HEXIM2: variants seen among roughly 807,000 people sequenced by gnomAD.
The protein encoded by HEXIM2 is protein HEXIM2.
For synonymous variants in HEXIM2, 159 were observed against 162.7 expected, an observed-to-expected ratio of 0.98 and a Z score of 0.17; for missense variants, 413 against 390.8, an observed-to-expected ratio of 1.06 and a Z score of -0.48.
chr17:45,168,962 A>G, intron 3 of HEXIM2, 53 bp from the exon 4 acceptor site: 1 of 1,506,620 alleles, frequency 6.6e-7, no homozygotes, highest in East Asian at 2.3e-5. Flanking sequence ...GAAAGGTTCC[A>G]CCTCCAAGGA....
At chr17:45,162,415 C>T in intron 1 of HEXIM2, 73 bp from the exon 2 acceptor site, 1 of 1,074,680 alleles carries the variant, frequency 9.3e-7, no homozygotes, top group Non-Finnish European at 1.1e-6. Flanking sequence ...CCTCCTTTGC[C>T]CCTTTGGTGG....
upstream of HEXIM2, chr17:45,160,891 G>A (rs1184078309): frequency 1.6e-6 from 2 of 1,289,642 alleles, no homozygotes; most frequent in South Asian, 1.2e-5. Context: ...AGTTTAAGAG[G>A]GTCGTGGTTT....
Position 45,169,732 on chromosome 17 carries a change from GA to G in HEXIM2, c.788del (p.Asn263ThrfsTer55). On this transcript the variant is annotated frameshift_variant, in exon 4 of 4. Coordinates refer to ENST00000589230, the MANE Select transcript of HEXIM2 (RefSeq NM_001303441.2). LOFTEE classifies it low-confidence loss of function (END_TRUNC). Reference protein sequence around the residue: ...LAAEVQRLRTENQRLRQENQM... With the variant: ...LAAEVQRLRTXNQRLRQENQM... The stretch of plus-strand genomic sequence containing the variant: ...TGCCGAGGTCCAGAGGCTCCGGACC[GA>G]AAACCAGCGGCTTCGTCAGGAGAAC... The G allele has an allele frequency of 6.7e-7, 1 of 1,495,136 alleles. No homozygotes were observed. The allele number at this position is 1,495,136 out of a possible 1,614,324, so 92.6% of individuals were successfully genotyped here. A position where few individuals can be genotyped will look rare whatever the true frequency, so the allele number is the denominator to read the frequency against.
intron 3 of HEXIM2, among the ~76,000 whole-genome samples, chr17:45,167,789 G>C (rs1456943276): frequency 6.6e-6 from 1 of 151,894 alleles, no homozygotes; most frequent in Non-Finnish European, 1.5e-5. Context: ...GTAGAGATGG[G>C]GTTTCACCAC....
upstream of HEXIM2, chr17:45,161,520 G>C (rs549746659): frequency 5.6e-5 from 9 of 161,752 alleles, no homozygotes; most frequent in African/African-American, 1.7e-4. Context: ...TGGCCGCCGA[G>C]CTTCTCGTCG....
intron 3 of HEXIM2, among the ~76,000 whole-genome samples, chr17:45,165,197 T>A (rs1341394970): frequency 1.3e-5 from 2 of 152,170 alleles, no homozygotes; most frequent in African/African-American, 4.8e-5. Flanking sequence ...AAGCCACTGG[T>A]GGAGACAAGG....
chr17:45,168,375 C>T (rs147234751), intron 3 of HEXIM2, among the ~76,000 whole-genome samples: 140 of 151,432 alleles, frequency 9.2e-4, no homozygotes, highest in African/African-American at 3.2e-3. Context: ...CCCAGCTACG[C>T]GGGAGGCTGA....
chr17:45,162,596 C>A lies in HEXIM2; in HGVS notation c.-84C>A. ...TGCTGGCTGGAGGTGTGAAAACCAG[C>A]GGTGGAGGCAGCCTTCGGGGCCTGC... On this transcript the variant is annotated 5_prime_UTR_variant, in exon 2 of 4. Transcript: ENST00000589230. The A allele has an allele frequency of 7.1e-7, 1 of 1,414,444 alleles. No individual in the cohort carries two copies. The allele number at this position is 1,414,444 out of a possible 1,614,324, so 87.6% of individuals were successfully genotyped here.
At chr17:45,164,303 A>C (rs1425163089) in intron 3 of HEXIM2, among the ~76,000 whole-genome samples, 1 of 152,148 alleles carries the variant, frequency 6.6e-6, no homozygotes, top group Non-Finnish European at 1.5e-5. Context: ...TAAAAATACA[A>C]AATTAGCCAG....
At chr17:45,162,117 C>G in intron 1 of HEXIM2, 86 bp downstream of exon 1, 15 of 622,860 alleles carry the variant, frequency 2.4e-5, no homozygotes, top group Non-Finnish European at 3.0e-5. Context: ...GGTTTCCCTC[C>G]CAGCTGCATG....
upstream of HEXIM2, chr17:45,161,872 G>GCT (rs917554970): frequency 5.9e-5 from 58 of 985,648 alleles, no homozygotes; most frequent in African/African-American, 8.7e-4. Context: ...GCGCGTCCAG[G>GCT]CTCTCTCTTC....
chr17:45,162,939 G>A, intron 3 of HEXIM2, 80 bp downstream of exon 3: 3 of 963,078 alleles, frequency 3.1e-6, no homozygotes, highest in Non-Finnish European at 5.0e-6. Context: ...TGTCCCAGAT[G>A]TGTTGGTAGA....
upstream of HEXIM2, among the ~76,000 whole-genome samples, chr17:45,160,414 A>G (rs1293900238): frequency 2.6e-5 from 4 of 152,168 alleles, no homozygotes; most frequent in Admixed American, 6.6e-5. Context: ...AGTCTGTGGG[A>G]AAAGAAAAAT....
upstream of HEXIM2, chr17:45,161,269 C>T: frequency 2.9e-6 from 1 of 339,450 alleles, no homozygotes; most frequent in Non-Finnish European, 5.9e-6. Context: ...AAGAACCCCG[C>T]ACTCTGTGAG....
Position 45,169,266 on chromosome 17 carries a change from G to A in HEXIM2, c.318G>A (p.Leu106=). ...SKRKRHWRPY[L]ELSWAEKQQR... ...GCAAAAGGCACTGGCGACCCTACCT[G>A]GAGCTGAGCTGGGCTGAGAAACAAC... The change falls in exon 4 of 4, where the codon CTG becomes CTA. Residue 106 remains leucine (L), a synonymous_variant. Coordinates refer to ENST00000589230, the MANE Select transcript of HEXIM2 (RefSeq NM_001303441.2). The A allele has an allele frequency of 6.2e-7, 1 of 1,613,878 alleles. No individual in the cohort carries two copies. Among genetic ancestry groups the A allele is most frequent in the South Asian group, 1.1e-5 (1 of 91,082 alleles).
upstream of HEXIM2, chr17:45,161,852 A>T (rs1187957394): frequency 4.1e-6 from 4 of 985,634 alleles, no homozygotes; most frequent in Non-Finnish European, 4.8e-6. Context: ...TACAATCCCC[A>T]GCAGGCACCG....
rs1354657226 is a variant in HEXIM2, at chr17:45,162,465, A to G, written c.-192-23A>G. ...CTTACACCTGGCTTCCTGGCTGCCA[A>G]CCTGGGCCTCGGTGACTTCCAGGAG... On this transcript the variant is annotated intron_variant, in intron 1 of 3. Coordinates refer to ENST00000589230, the MANE Select transcript of HEXIM2 (RefSeq NM_001303441.2). 11 of 1,101,056 alleles carry G rather than the reference A, an allele frequency of 1.0e-5. No homozygotes were observed. In the African/African-American group the frequency reaches 1.5e-4, roughly 15 times the overall value. The allele number at this position is 1,101,056 out of a possible 1,614,324, so 68.2% of individuals were successfully genotyped here.
rs2144043627 is a variant in HEXIM2 at position 45,162,475 on chromosome 17, C to T, written c.-192-13C>T. ...GCTTCCTGGCTGCCAACCTGGGCCT[C>T]GGTGACTTCCAGGAGGACAGTACAG... On this transcript the variant is annotated splice_polypyrimidine_tract_variant and intron_variant, in intron 1 of 3. Transcript: ENST00000589230. The T allele has an allele frequency of 1.8e-6, 2 of 1,106,922 alleles. No individual in the cohort carries two copies. Among genetic ancestry groups the T allele is most frequent in the Non-Finnish European group, 2.2e-6 (2 of 903,304 alleles). The allele number at this position is 1,106,922 out of a possible 1,614,324, so 68.6% of individuals were successfully genotyped here. A position where few individuals can be genotyped will look rare whatever the true frequency, so the allele number is the denominator to read the frequency against.
Position 45,162,730 on chromosome 17 carries a change from T to A in HEXIM2, c.-44-20T>A. On this transcript the variant is annotated intron_variant, in intron 2 of 3. Coordinates refer to ENST00000589230, the MANE Select transcript of HEXIM2 (RefSeq NM_001303441.2). ...CTGACGTTCCTTCAGGATTTAGGTT[T>A]CTGTTGTTGTTCAAAGCAGGTGTCA... The A allele has an allele frequency of 6.2e-7, 1 of 1,611,544 alleles. No homozygotes were observed. The highest frequency in any genetic ancestry group is 8.5e-7 in the Non-Finnish European group (1 of 1,178,784).
Sources: allele counts gnomAD v4.1 joint callset (sites outside exome capture counted in the v4.1 genomes callset), GRCh38; gene constraint gnomAD v4.1.1; transcripts MANE v1.5; gene names NCBI Gene and HGNC (gene_info 2026-07-23, HGNC 2026-07-21).